SLC35F1: variants seen among roughly 807,000 people sequenced by gnomAD.
The protein encoded by SLC35F1 is solute carrier family 35 member F1.
A neutral mutation model predicts 48.7 loss-of-function variants in SLC35F1; 14 were observed. The ratio of observed to expected loss-of-function variants is 0.29; its 90% CI spans 0.19 to 0.45. The LOEUF is 0.45. Ranked by LOEUF, SLC35F1 falls within the 20% of genes least tolerant of loss-of-function variation. The pLI is 1.00. For synonymous variants in SLC35F1, 190 were observed against 202.2 expected (o/e 0.94, Z 0.51); for missense variants, 404 against 500.0 (o/e 0.81, Z 1.83).
chr6:118,155,682 G>T (rs1375542299), intron 2 of SLC35F1, among the ~76,000 whole-genome samples: 1 of 152,162 alleles, frequency 6.6e-6, no homozygotes, highest in Admixed American at 6.5e-5. Flanking sequence ...CAAGGTGTAA[G>T]CACTTTTATC....
intron 1 of SLC35F1, among the ~76,000 whole-genome samples, chr6:118,046,620 C>G (rs1582636804): frequency 6.6e-6 from 1 of 152,192 alleles, no homozygotes; most frequent in East Asian, 1.9e-4. Context: ...AGCAAGCAGT[C>G]TCAAAGTTGT....
At chr6:118,098,195 T>C (rs1773205887) in intron 1 of SLC35F1, among the ~76,000 whole-genome samples, 1 of 152,202 alleles carries the variant, frequency 6.6e-6, no homozygotes, top group South Asian at 2.1e-4. Flanking sequence ...ACATGCCTAC[T>C]TTTGATTTTC....
At chr6:117,948,389 T>G (rs1211390656) in intron 1 of SLC35F1, among the ~76,000 whole-genome samples, 4 of 152,182 alleles carry the variant, frequency 2.6e-5, no homozygotes, top group Admixed American at 6.5e-5. Context: ...AGTCCCTTGC[T>G]CTCTAACTCA....
chr6:118,235,823 T>C (rs1292591150), intron 3 of SLC35F1, among the ~76,000 whole-genome samples, 187 bp downstream of exon 3: 1 of 152,192 alleles, frequency 6.6e-6, no homozygotes, highest in Non-Finnish European at 1.5e-5. Flanking sequence ...AAACTGGTTA[T>C]ATAAAAATTA....
At chr6:118,035,888 T>G (rs760033480) in intron 1 of SLC35F1, among the ~76,000 whole-genome samples, 12 of 151,704 alleles carry the variant, frequency 7.9e-5, no homozygotes, top group Non-Finnish European at 1.8e-4. Context: ...GAGACAGTGT[T>G]TCACCATGTT....
At chr6:118,130,303 C>T (rs1773690942) in intron 1 of SLC35F1, among the ~76,000 whole-genome samples, 3 of 152,200 alleles carry the variant, frequency 2.0e-5, no homozygotes, top group South Asian at 2.1e-4. Context: ...AGTCTAGATA[C>T]GCTTCTTAAG....
At chr6:118,283,711 C>A (rs1475074469) in intron 6 of SLC35F1, among the ~76,000 whole-genome samples, 1 of 152,102 alleles carries the variant, frequency 6.6e-6, no homozygotes, top group Non-Finnish European at 1.5e-5. Context: ...TTAAGGAGTA[C>A]CAAATTAATT....
intron 1 of SLC35F1, among the ~76,000 whole-genome samples, chr6:118,135,362 C>T (rs1443919008): frequency 1.3e-5 from 2 of 152,192 alleles, no homozygotes; most frequent in African/African-American, 4.8e-5. Context: ...CATTCAAGAA[C>T]CTTCCATGCT....
At chr6:117,919,050 CA>C (rs1413051523) in intron 1 of SLC35F1, among the ~76,000 whole-genome samples, 1 of 152,078 alleles carries the variant, frequency 6.6e-6, no homozygotes, top group Non-Finnish European at 1.5e-5. Context: ...TGTGCACCAC[CA>C]TGCTGGGCTA....
chr6:117,921,877 G>GA (rs1775903980), intron 1 of SLC35F1, among the ~76,000 whole-genome samples: 1 of 152,170 alleles, frequency 6.6e-6, no homozygotes. Context: ...TAGTGATTAT[G>GA]AAAAAATGTA....
At chr6:118,045,699 G>A (rs1012599471) in intron 1 of SLC35F1, among the ~76,000 whole-genome samples, 3 of 152,142 alleles carry the variant, frequency 2.0e-5, no homozygotes, top group Admixed American at 6.6e-5. Flanking sequence ...AAATGCACAG[G>A]CCTACCTCAG....
chr6:118,235,992 T>C (rs1775360108), intron 3 of SLC35F1, among the ~76,000 whole-genome samples: 1 of 152,170 alleles, frequency 6.6e-6, no homozygotes, highest in African/African-American at 2.4e-5. Flanking sequence ...AGCAGGAGAA[T>C]TATTAATAAA....
chr6:118,102,761 C>T (rs1364407267), intron 1 of SLC35F1, among the ~76,000 whole-genome samples: 1 of 152,128 alleles, frequency 6.6e-6, no homozygotes, highest in Non-Finnish European at 1.5e-5. Context: ...CAGCTAGAGG[C>T]AAAACCAATG....
chr6:118,195,736 C>T (rs1020780568), intron 2 of SLC35F1, among the ~76,000 whole-genome samples: 21 of 152,130 alleles, frequency 1.4e-4, no homozygotes, highest in African/African-American at 5.1e-4. Context: ...GACTTCCAAA[C>T]CCAGTTTGGA....
intron 1 of SLC35F1, among the ~76,000 whole-genome samples, chr6:117,982,599 T>C (rs1776794911): frequency 1.3e-5 from 2 of 152,226 alleles, no homozygotes; most frequent in South Asian, 4.1e-4. Flanking sequence ...ATCTGTGGTA[T>C]GGATGGACAA....
intron 1 of SLC35F1, among the ~76,000 whole-genome samples, chr6:118,037,464 A>G (rs557973384): frequency 2.5e-4 from 38 of 152,012 alleles, no homozygotes; most frequent in African/African-American, 9.2e-4. Context: ...ATGCTTTGGT[A>G]TTAGATTTTA....
Position 118,108,587 on chromosome 6 carries a change from T to C in SLC35F1, c.174-45858T>C, listed in dbSNP as rs368731352. 4.0e-4 allele frequency among the ~76,000 whole-genome samples: 61 copies of C among 152,314 alleles called. 2 individuals carry two copies. The South Asian group carries it at 8.1e-3, about 20-fold the overall frequency. ...TATGCATGTATAGAAATGTCTTGGA[T>C]GTATGATTAAATGAAAGGAAATTAC... On this transcript the variant is annotated intron_variant, in intron 1 of 7. Coordinates refer to ENST00000360388, the MANE Select transcript of SLC35F1 (RefSeq NM_001029858.4).
chr6:118,261,559 G>A (rs777551678), intron 3 of SLC35F1, among the ~76,000 whole-genome samples: 6 of 152,158 alleles, frequency 3.9e-5, no homozygotes, highest in Non-Finnish European at 8.8e-5. Context: ...CGCACACAGG[G>A]GCTGGGGCTT....
At chr6:118,233,206 C>T (rs904471951) in intron 2 of SLC35F1, among the ~76,000 whole-genome samples, 1 of 152,246 alleles carries the variant, frequency 6.6e-6, no homozygotes, top group African/African-American at 2.4e-5. Context: ...ACCTCGTGAT[C>T]TGCCCGCCTC....
Sources: gnomAD v4.1 joint callset for allele counts (sites outside exome capture counted in the v4.1 genomes callset) on GRCh38, gnomAD v4.1.1 for gene constraint, MANE v1.5 for transcripts, NCBI Gene and HGNC (gene_info 2026-07-23, HGNC 2026-07-21) for gene names.